The following ZNF704 variants were observed in gnomAD, a reference collection of about 807,000 sequenced individuals.
ZNF704 encodes glucocorticoid induced gene 1.
A neutral mutation model predicts 44.7 loss-of-function variants in ZNF704; 10 were observed. The ratio of observed to expected loss-of-function variants is 0.22; its 90% confidence interval spans 0.14 to 0.38. ZNF704 has a LOEUF of 0.38. Among genes scored for constraint, ZNF704 ranks in the 10% least tolerant of loss-of-function variants. The pLI is 1.00. For synonymous variants in ZNF704, 211 were observed against 207.6 expected, an observed-to-expected ratio of 1.02 and a Z score of -0.14; for missense variants, 390 against 545.5, an observed-to-expected ratio of 0.71 and a Z score of 2.84.
Position 80,665,064 on chromosome 8 carries a change from G to A in ZNF704, c.678C>T (p.Asp226=), listed in dbSNP as rs1818168780. ...AAAAGTCCTCTTCTCCATCACTGTA[G>A]TCAGAGTCTCCAACGCGCCTAATGC... ...TIHLGRVGDS[D]YSDGEEDFYY... The change falls in exon 6 of 9, where the codon GAC becomes GAT. Residue 226 remains aspartate (D), a synonymous_variant. Transcript: ENST00000327835. The A allele has an allele frequency of 6.2e-7, 1 of 1,614,188 alleles. No individual in the cohort carries two copies. The highest frequency in any genetic ancestry group is 8.5e-7 in the Non-Finnish European group (1 of 1,180,022).
chr8:80,772,462 A>AAAGGGG, intron 2 of ZNF704, among the ~76,000 whole-genome samples: 1 of 152,242 alleles, frequency 6.6e-6, no homozygotes, highest in South Asian at 2.1e-4. Flanking sequence ...AATCATGGCG[A>AAAGGGG]AAGGGGAAGG....
chr8:80,672,139 A>G (rs1469490556), intron 4 of ZNF704, among the ~76,000 whole-genome samples: 1 of 152,242 alleles, frequency 6.6e-6, no homozygotes, highest in East Asian at 1.9e-4. Context: ...AAGAAGACAT[A>G]CAAGTGGCCA....
At chr8:80,738,660 A>G (rs1806705954) in intron 2 of ZNF704, among the ~76,000 whole-genome samples, 1 of 151,994 alleles carries the variant, frequency 6.6e-6, no homozygotes, top group South Asian at 2.1e-4. Context: ...ATTCTACAAG[A>G]TTTTCAAGAA....
At chr8:80,858,766 GTT>G (rs1809010157) in intron 1 of ZNF704, among the ~76,000 whole-genome samples, 1 of 151,988 alleles carries the variant, frequency 6.6e-6, no homozygotes, top group African/African-American at 2.4e-5. Context: ...GAATTTTCTA[GTT>G]AAATTTTTAT....
chr8:80,653,751 A>C (rs1160494715), intron 7 of ZNF704, among the ~76,000 whole-genome samples: 1 of 152,224 alleles, frequency 6.6e-6, no homozygotes. Flanking sequence ...ATATCGTGAA[A>C]ATGGCCATAC....
At chr8:80,777,881 CAAAA>C in intron 2 of ZNF704, among the ~76,000 whole-genome samples, 1 of 91,456 alleles carries the variant, frequency 1.1e-5, no homozygotes, top group Non-Finnish European at 2.5e-5. Flanking sequence ...TGCGACTCAA[CAAAA>C]AAAAAAAAAA....
chr8:80,641,731 T>C (rs1817747418), intron 8 of ZNF704, among the ~76,000 whole-genome samples: 1 of 152,058 alleles, frequency 6.6e-6, no homozygotes, highest in Non-Finnish European at 1.5e-5. Flanking sequence ...TAGCCAGGCA[T>C]GTACCTGTAA....
intron 1 of ZNF704, among the ~76,000 whole-genome samples, chr8:80,865,632 C>G (rs1032474690): frequency 3.3e-5 from 5 of 152,208 alleles, no homozygotes; most frequent in Non-Finnish European, 4.4e-5. Context: ...CAACTAGCCA[C>G]GTACAATTAG....
In ZNF704 at chr8:80,742,412, T is replaced by C. The variant is rs547737041; in HGVS notation, c.222-49305A>G. Among the ~76,000 whole-genome samples, 5 of 152,286 alleles carry C rather than the reference T, an allele frequency of 3.3e-5. No individual in the cohort carries two copies. In the South Asian group the frequency reaches 1.0e-3, roughly 32 times the overall value. ...ACCAATGGAAATTACTTAAAACCCT[T>C]CACCACACCTTTCACTTAGGCATTG... On this transcript the variant is annotated intron_variant, in intron 2 of 8. Transcript: ENST00000327835.
chr8:80,869,855 G>A (rs1459082150), intron 1 of ZNF704, among the ~76,000 whole-genome samples: 1 of 152,206 alleles, frequency 6.6e-6, no homozygotes. Flanking sequence ...GCTTGATGAA[G>A]TAAGAGGCCA....
chr8:80,673,304 G>GGAAGAA (rs1327642656), intron 4 of ZNF704: 1 of 152,214 alleles, frequency 6.6e-6, no homozygotes, highest in Non-Finnish European at 1.5e-5. Flanking sequence ...TGCACTAGAA[G>GGAAGAA]GAAGAAGCCT....
At chr8:80,761,001 C>G (rs1322939951) in intron 2 of ZNF704, among the ~76,000 whole-genome samples, 1 of 152,142 alleles carries the variant, frequency 6.6e-6, no homozygotes, top group Non-Finnish European at 1.5e-5. Context: ...CCCCCATGAT[C>G]CAGTCACCTC....
intron 4 of ZNF704, among the ~76,000 whole-genome samples, chr8:80,674,595 C>T (rs1339968293): frequency 6.6e-6 from 1 of 152,118 alleles, no homozygotes; most frequent in African/African-American, 2.4e-5. Flanking sequence ...AAAACCAATC[C>T]AGTCTCATGA....
At chr8:80,671,278 C>T (rs1818273846) in intron 4 of ZNF704, among the ~76,000 whole-genome samples, 1 of 152,172 alleles carries the variant, frequency 6.6e-6, no homozygotes, top group East Asian at 1.9e-4. Context: ...TAGGTACATG[C>T]CACCATGCCT....
intron 7 of ZNF704, among the ~76,000 whole-genome samples, chr8:80,650,336 G>C (rs1817896567): frequency 1.3e-5 from 2 of 152,242 alleles, no homozygotes; most frequent in Admixed American, 1.3e-4. Flanking sequence ...GACAAGTTGA[G>C]AGAAGAAGGC....
At chr8:80,692,712 A>G (rs1403183483) in intron 3 of ZNF704, among the ~76,000 whole-genome samples, 3 of 152,230 alleles carry the variant, frequency 2.0e-5, no homozygotes, top group Non-Finnish European at 4.4e-5. Flanking sequence ...TTACCTGGGA[A>G]AAAAGGGACA....
At chr8:80,840,797 T>G (rs911350212) in intron 1 of ZNF704, among the ~76,000 whole-genome samples, 8 of 152,328 alleles carry the variant, frequency 5.3e-5, no homozygotes, top group Non-Finnish European at 1.0e-4. Flanking sequence ...AGCCTATCAC[T>G]AAGTTTAATA....
In ZNF704 at chr8:80,638,095, C is replaced by G. The variant is rs528788322; in HGVS notation, c.*3271G>C. ...TTGTACCTCCCCCCTGACTCCCTTG[C>G]TACCTGTGTGTTTTCTCCAGGCTGT... On this transcript the variant is annotated 3_prime_UTR_variant, in exon 9 of 9. Transcript: ENST00000327835. 1 of 152,604 alleles carries G rather than the reference C, an allele frequency of 6.6e-6. No homozygotes were observed. The highest frequency in any genetic ancestry group is 2.1e-4 in the South Asian group (1 of 4,826). 9.5% of individuals were successfully genotyped at this position (152,604 alleles called of 1,614,324 possible).
At chr8:80,757,381 G>A (rs377089652) in intron 2 of ZNF704, among the ~76,000 whole-genome samples, 309 of 151,940 alleles carry the variant, frequency 2.0e-3, no homozygotes, top group African/African-American at 7.1e-3. Context: ...GAATAAGGAC[G>A]TAAAGAAAAT....
Sources: allele counts gnomAD v4.1 joint callset (sites outside exome capture counted in the v4.1 genomes callset), GRCh38; gene constraint gnomAD v4.1.1; transcripts MANE v1.5; gene names NCBI Gene and HGNC (gene_info 2026-07-23, HGNC 2026-07-21).